CEP112: variants seen among roughly 807,000 people sequenced by gnomAD.
The protein encoded by CEP112 is centrosomal protein of 112 kDa.
In CEP112, 127 loss-of-function variants were observed where a neutral mutation model predicts 153.0. That is an observed-to-expected ratio of 0.83 (90% CI 0.72 to 0.96). CEP112 has a LOEUF of 0.96. CEP112 is among the 40% of genes least tolerant of loss of function. The pLI, the probability that CEP112 is intolerant of heterozygous loss-of-function variation, is 0.00. For synonymous variants in CEP112, 358 were observed against 374.4 expected, an observed-to-expected ratio of 0.96 and a Z score of 0.51; for missense variants, 1,089 against 1,101.2, an observed-to-expected ratio of 0.99 and a Z score of 0.16.
chr17:65,827,191 A>T (rs1176871765), intron 21 of CEP112, among the ~76,000 whole-genome samples: 3 of 152,116 alleles, frequency 2.0e-5, no homozygotes, highest in Admixed American at 6.5e-5. Context: ...TGGCTTCCCT[A>T]CTTTTGAGGT....
At chr17:65,970,496 A>G (rs1016436454) in intron 17 of CEP112, among the ~76,000 whole-genome samples, 3 of 148,388 alleles carry the variant, frequency 2.0e-5, no homozygotes, top group Non-Finnish European at 3.0e-5. Flanking sequence ...TGCACACTAC[A>G]TGCATATTAT....
chr17:65,635,996 C>T, intron 26 of CEP112, 22 bp from the exon 27 acceptor site: 1 of 1,595,864 alleles, frequency 6.3e-7, no homozygotes, highest in South Asian at 1.1e-5. Flanking sequence ...AAATCGCAGT[C>T]ACGACTTTCT....
chr17:65,760,037 T>C (rs1014411932), intron 21 of CEP112, among the ~76,000 whole-genome samples: 1 of 152,150 alleles, frequency 6.6e-6, no homozygotes, highest in Admixed American at 6.6e-5. Context: ...GTAAATAGTA[T>C]TGTGTTTTTG....
At chr17:66,067,016 AACACACACACAC>A (rs60964018) in intron 9 of CEP112, 139 bp from the exon 10 acceptor site, 34,919 of 262,206 alleles carry the variant, frequency 0.13, 1,723 homozygotes, top group Middle Eastern at 0.19. Context: ...TGAAATTATA[AACACACACACAC>A]ACACACACAC....
At position 65,659,765 on chromosome 17, in the gene CEP112, C is replaced by T. The variant is rs190488744; in HGVS notation, c.2698-18700G>A. On this transcript the variant is annotated intron_variant, in intron 24 of 26. Transcript: ENST00000535342. ...AAGAAAAAAGCTTATACTTTTTACACGAGAAGTAAAAAGGAGCTTCAGAAA... is the reference window on the plus strand; with the variant it reads ...AAGAAAAAAGCTTATACTTTTTACATGAGAAGTAAAAAGGAGCTTCAGAAA... Among the ~76,000 whole-genome samples, 43 of 152,156 alleles carry T rather than the reference C, an allele frequency of 2.8e-4. No individual in the cohort carries two copies. In the East Asian group the frequency reaches 3.3e-3, roughly 12 times the overall value.
chr17:65,901,987 G>GGGGGT lies in CEP112; in HGVS notation c.2163+164_2163+165insACCCC, dbSNP rs1555702023. On this transcript the variant is annotated intron_variant, in intron 20 of 26. Coordinates refer to ENST00000535342, the MANE Select transcript of CEP112 (RefSeq NM_001199165.4). Reference sequence around the variant, plus strand: ...AAGGCTTTATTCATCCCAAAACGGGGGGGGGGGGGGGTGGGGGGGAGAAAA... The same window carrying GGGGGT: ...AAGGCTTTATTCATCCCAAAACGGGGGGGGTGGGGGGGGGGGTGGGGGGGAGAAAA... Among the ~76,000 whole-genome samples the GGGGGT allele has an allele frequency of 3.7e-4, 16 of 43,094 alleles. 1 individual carries two copies. Among genetic ancestry groups the GGGGGT allele is most frequent in the East Asian group, 1.2e-3 (2 of 1,602 alleles). The allele number at this position is 43,094 out of a possible 152,430, so 28.3% of individuals were successfully genotyped here.
chr17:65,971,192 T>C (rs1383761942), intron 17 of CEP112, among the ~76,000 whole-genome samples: 1 of 149,460 alleles, frequency 6.7e-6, no homozygotes, highest in Non-Finnish European at 1.5e-5. Flanking sequence ...AGCACATGCA[T>C]ATCACATTGC....
chr17:65,973,197 G>C (rs1255206297), intron 17 of CEP112, among the ~76,000 whole-genome samples: 2 of 152,162 alleles, frequency 1.3e-5, no homozygotes, highest in Non-Finnish European at 2.9e-5. Context: ...GTTAGAAAAA[G>C]ATTTCCTAGA....
At chr17:66,155,821 C>T (rs2146717541) in intron 4 of CEP112, among the ~76,000 whole-genome samples, 1 of 152,342 alleles carries the variant, frequency 6.6e-6, no homozygotes, top group Admixed American at 6.5e-5. Context: ...TGTAACCAGA[C>T]TGCCTCTCTA....
chr17:66,179,590 GGA>G (rs1340123513), intron 2 of CEP112, among the ~76,000 whole-genome samples: 2 of 151,962 alleles, frequency 1.3e-5, no homozygotes, highest in Non-Finnish European at 2.9e-5. Flanking sequence ...GGTTTTTGGG[GGA>G]GTCTTTAGGT....
At chr17:65,972,425 T>A (rs957777175) in intron 17 of CEP112, among the ~76,000 whole-genome samples, 17 of 152,194 alleles carry the variant, frequency 1.1e-4, no homozygotes, top group African/African-American at 4.1e-4. Flanking sequence ...GAATTAAACA[T>A]TTGTATTAGA....
At chr17:66,188,275 CCACACACACAAACACACACACACACA>C (rs1456947573) in intron 1 of CEP112, among the ~76,000 whole-genome samples, 2 of 120,752 alleles carry the variant, frequency 1.7e-5, no homozygotes, top group African/African-American at 6.5e-5. Flanking sequence ...GTCTCTCACA[CCACACACACAAACACACACACACACA>C]CACACACACA....
chr17:65,666,001 C>T (rs1376022717), intron 24 of CEP112, among the ~76,000 whole-genome samples: 5 of 152,208 alleles, frequency 3.3e-5, no homozygotes, highest in African/African-American at 1.2e-4. Context: ...CCTTGCCTAC[C>T]TCACTGTTCA....
At chr17:65,675,018 GC>G (rs2047157847) in intron 24 of CEP112, among the ~76,000 whole-genome samples, 1 of 152,154 alleles carries the variant, frequency 6.6e-6, no homozygotes, top group South Asian at 2.1e-4. Context: ...AGAAAGTCTA[GC>G]TCTGGAAAAT....
chr17:65,865,751 GAGA>G (rs1252162403), intron 20 of CEP112, among the ~76,000 whole-genome samples: 1 of 152,254 alleles, frequency 6.6e-6, no homozygotes, highest in Non-Finnish European at 1.5e-5. Flanking sequence ...AAAATGCAGA[GAGA>G]AGGTGTGCAG....
intron 22 of CEP112, among the ~76,000 whole-genome samples, chr17:65,746,122 G>A (rs1443373826): frequency 5.8e-5 from 7 of 121,548 alleles, no homozygotes; most frequent in Admixed American, 3.3e-4. Flanking sequence ...CCAAGATTGC[G>A]CCATTTCACT....
At chr17:65,683,905 G>A (rs1321152622) in intron 24 of CEP112, among the ~76,000 whole-genome samples, 1 of 152,158 alleles carries the variant, frequency 6.6e-6, no homozygotes, top group Admixed American at 6.5e-5. Context: ...GCCAGGCATG[G>A]TGGTGGGCGT....
chr17:65,637,358 T>C (rs1312718834), intron 25 of CEP112, among the ~76,000 whole-genome samples, 170 bp from the exon 26 acceptor site: 2 of 152,244 alleles, frequency 1.3e-5, no homozygotes, highest in African/African-American at 2.4e-5. Context: ...CCCATCCTTA[T>C]TGAAAATCCA....
At chr17:65,760,385 T>C (rs2052540686) in intron 21 of CEP112, among the ~76,000 whole-genome samples, 1 of 152,176 alleles carries the variant, frequency 6.6e-6, no homozygotes, top group South Asian at 2.1e-4. Flanking sequence ...AGTTCAATGT[T>C]AGCTGTAGGT....
Sources: gnomAD v4.1 joint callset for allele counts (sites outside exome capture counted in the v4.1 genomes callset) on GRCh38, gnomAD v4.1.1 for gene constraint, MANE v1.5 for transcripts, NCBI Gene and HGNC (gene_info 2026-07-23, HGNC 2026-07-21) for gene names.